HMGB1: variants seen among roughly 807,000 people sequenced by gnomAD.
HMGB1 encodes the protein high mobility group protein B1.
For synonymous variants in HMGB1, 81 were observed against 84.0 expected (o/e 0.96, Z 0.19); for missense variants, 79 against 253.5 (o/e 0.31, Z 4.67).
intron 1 of HMGB1, among the ~76,000 whole-genome samples, chr13:30,508,237 C>T (rs73454315): frequency 0.084 from 12,765 of 152,146 alleles, 788 homozygotes; most frequent in African/African-American, 0.17. Context: ...ACATGCCAGG[C>T]GGAGTGGCTC....
intron 1 of HMGB1, among the ~76,000 whole-genome samples, chr13:30,513,902 C>T (rs2137466371): frequency 6.6e-6 from 1 of 152,228 alleles, no homozygotes; most frequent in South Asian, 2.1e-4. Flanking sequence ...AGCGAGTCAC[C>T]AGATTTCTTT....
intron 1 of HMGB1, among the ~76,000 whole-genome samples, chr13:30,520,350 T>C (rs1441082451): frequency 6.7e-6 from 1 of 149,742 alleles, no homozygotes; most frequent in Non-Finnish European, 1.5e-5. Context: ...CTGGGCGCAG[T>C]GGCTCACACC....
intron 1 of HMGB1, chr13:30,465,089 C>T (rs1886679383): frequency 1.1e-6 from 1 of 918,876 alleles, no homozygotes; most frequent in Non-Finnish European, 1.3e-6. Flanking sequence ...ACTGCTGCGC[C>T]CAGCTCCCCC....
At position 30,529,531 on chromosome 13, in the gene HMGB1, A is replaced by C. The variant is rs138141914; in HGVS notation, c.-14-65837T>G. 9.8e-3 allele frequency among the ~76,000 whole-genome samples: 1,487 copies of C among 152,306 alleles called. 14 individuals carry two copies. Among genetic ancestry groups the C allele is most frequent in the Admixed American group, 0.019 (295 of 15,284 alleles). ...TGAAACATGACCATTTCAAACTATG[A>C]TTTTGAAATGAAGTTCCATGAAATC... On this transcript the variant is annotated intron_variant, in intron 1 of 4. Coordinates refer to the HMGB1 transcript ENST00000405805.
rs1033194610 is a variant in HMGB1, at chr13:30,459,771, TAA to T, written c.*1584_*1585del. 6.6e-6 allele frequency: 1 copy of T among 152,240 alleles called. No individual in the cohort carries two copies. The highest frequency in any genetic ancestry group is 2.4e-5 in the African/African-American group (1 of 41,448). The allele number at this position is 152,240 out of a possible 1,614,324, so 9.4% of individuals were successfully genotyped here. The stretch of plus-strand genomic sequence containing the variant: ...CTTATACTTATTTAAAAGGTACTGC[TAA>T]GAGGTATTATTAGAAACAAGATTTA... On this transcript the variant is annotated 3_prime_UTR_variant, in exon 5 of 5. Transcript: ENST00000341423.
chr13:30,591,457 T>C (rs1186946235), intron 1 of HMGB1, among the ~76,000 whole-genome samples: 1 of 152,238 alleles, frequency 6.6e-6, no homozygotes, highest in East Asian at 1.9e-4. Flanking sequence ...TGCTAAGGAA[T>C]TTTAAGCACT....
At chr13:30,502,156 A>G (rs1471769663) in intron 1 of HMGB1, among the ~76,000 whole-genome samples, 1 of 152,252 alleles carries the variant, frequency 6.6e-6, no homozygotes, top group Non-Finnish European at 1.5e-5. Context: ...TGAGTCAGCC[A>G]TACACAAACC....
intron 1 of HMGB1, among the ~76,000 whole-genome samples, chr13:30,593,797 A>G (rs770599193): frequency 2.1e-4 from 32 of 152,250 alleles, no homozygotes; most frequent in Non-Finnish European, 3.7e-4. Context: ...GGAACATTCC[A>G]CTAAAAAAGG....
At position 30,460,348 on chromosome 13, in the gene HMGB1, G is replaced by A. The variant is rs1247778585; in HGVS notation, c.*1009C>T. On this transcript the variant is annotated 3_prime_UTR_variant, in exon 5 of 5. Coordinates refer to ENST00000341423, the MANE Select transcript of HMGB1 (RefSeq NM_002128.7). ...GAGCAGTCCATATTTAGATAAATGG[G>A]AAAAGACATCTATAGCCAGCATTTT... 6.6e-6 allele frequency: 1 copy of A among 151,130 alleles called. No homozygotes were observed. Among genetic ancestry groups the A allele is most frequent in the East Asian group, 1.9e-4 (1 of 5,152 alleles). 9.4% of individuals were successfully genotyped at this position (151,130 alleles called of 1,614,324 possible). A position where few individuals can be genotyped will look rare whatever the true frequency, so the allele number is the denominator to read the frequency against.
chr13:30,516,548 TA>T (rs1329431417), intron 1 of HMGB1, among the ~76,000 whole-genome samples: 2 of 152,248 alleles, frequency 1.3e-5, no homozygotes, highest in Non-Finnish European at 2.9e-5. Flanking sequence ...TAATACTTTA[TA>T]ATTTAATGCA....
intron 1 of HMGB1, among the ~76,000 whole-genome samples, chr13:30,515,853 G>C (rs1181999989): frequency 6.6e-6 from 1 of 152,060 alleles, no homozygotes; most frequent in Non-Finnish European, 1.5e-5. Flanking sequence ...ACAAACTAAG[G>C]TAATCATCAA....
intron 1 of HMGB1, among the ~76,000 whole-genome samples, chr13:30,570,374 A>C (rs1593318297): frequency 6.6e-6 from 1 of 152,240 alleles, no homozygotes; most frequent in African/African-American, 2.4e-5. Context: ...ATGCTAGTGA[A>C]AACTTTTAGG....
At chr13:30,490,963 G>C (rs1412650160) in intron 1 of HMGB1, among the ~76,000 whole-genome samples, 1 of 151,996 alleles carries the variant, frequency 6.6e-6, no homozygotes, top group Non-Finnish European at 1.5e-5. Context: ...ATAGACACCA[G>C]AAATAGTCCC....
At position 30,481,796 on chromosome 13, in the gene HMGB1, C is replaced by A. The variant is rs149754738; in HGVS notation, c.-14-18102G>T. Among the ~76,000 whole-genome samples the A allele has an allele frequency of 2.6e-5, 4 of 152,268 alleles. No individual in the cohort carries two copies. The East Asian group carries it at 7.7e-4, about 29-fold the overall frequency. On this transcript the variant is annotated intron_variant, in intron 1 of 4. Transcript: ENST00000405805. ...AAGGCCAGGAAGCTTCTGTCTTACT[C>A]ATTAGCCTGATATGCCAGCTCCATG...
At chr13:30,510,051 T>C (rs1181651277) in intron 1 of HMGB1, among the ~76,000 whole-genome samples, 1 of 152,154 alleles carries the variant, frequency 6.6e-6, no homozygotes, top group Non-Finnish European at 1.5e-5. Flanking sequence ...ATCCACAGGG[T>C]GGAAACCCAA....
chr13:30,524,705 ATAAT>A (rs778291417), intron 1 of HMGB1, among the ~76,000 whole-genome samples: 8 of 140,154 alleles, frequency 5.7e-5, no homozygotes, highest in Non-Finnish European at 7.7e-5. Flanking sequence ...AAAATAAATA[ATAAT>A]AATAATAATA....
rs1037119265 is a variant in HMGB1 at position 30,459,650 on chromosome 13, C to T, written c.*1707G>A. 2.0e-5 allele frequency: 3 copies of T among 151,988 alleles called. No individual in the cohort carries two copies. The highest frequency in any genetic ancestry group is 2.1e-4 in the South Asian group (1 of 4,818). The allele number at this position is 151,988 out of a possible 1,614,324, so 9.4% of individuals were successfully genotyped here. A position where few individuals can be genotyped will look rare whatever the true frequency, so the allele number is the denominator to read the frequency against. ...GTTTTTCCTCCTTTATATATAGCAC[C>T]GAATACTTGCAATGTTTGACAAAAC... On this transcript the variant is annotated 3_prime_UTR_variant, in exon 5 of 5. Coordinates refer to ENST00000341423, the MANE Select transcript of HMGB1 (RefSeq NM_002128.7).
intron 4 of HMGB1, chr13:30,461,788 C>A: frequency 1.4e-6 from 1 of 734,304 alleles, no homozygotes; most frequent in Non-Finnish European, 2.2e-6. Context: ...CATTGAGGTG[C>A]AATTATGTAC....
At chr13:30,495,572 G>A (rs1041692775) in intron 1 of HMGB1, among the ~76,000 whole-genome samples, 2 of 151,014 alleles carry the variant, frequency 1.3e-5, no homozygotes, top group Non-Finnish European at 2.9e-5. Context: ...TCTGCCTCCC[G>A]GGTTCACACC....
Sources: gnomAD v4.1 joint callset for allele counts (sites outside exome capture counted in the v4.1 genomes callset) on GRCh38, gnomAD v4.1.1 for gene constraint, MANE v1.5 for transcripts, NCBI Gene and HGNC (gene_info 2026-07-23, HGNC 2026-07-21) for gene names.